The following SPAG16 variants were observed in gnomAD, a reference collection of about 807,000 sequenced individuals.
SPAG16 encodes the protein sperm associated antigen 16, also known as sperm-associated antigen 16 protein.
In SPAG16, 86 loss-of-function variants were observed where a neutral mutation model predicts 80.4. The ratio of observed to expected loss-of-function variants is 1.07; its 90% CI spans 0.90 to 1.28. The LOEUF (loss-of-function observed/expected upper bound fraction) is 1.28, where lower values mean the gene tolerates loss of function less well. SPAG16 is among the 50% of genes most tolerant of loss of function. The pLI, the probability that SPAG16 is intolerant of heterozygous loss-of-function variation, is 0.00. For synonymous variants in SPAG16, 294 were observed against 265.9 expected, an observed-to-expected ratio of 1.11 and a Z score of -1.03; for missense variants, 870 against 765.3, an observed-to-expected ratio of 1.14 and a Z score of -1.61.
At chr2:213,685,578 A>C (rs1332393652) in intron 10 of SPAG16, among the ~76,000 whole-genome samples, 1 of 152,178 alleles carries the variant, frequency 6.6e-6, no homozygotes, top group Non-Finnish European at 1.5e-5. Context: ...CTAGGAATGT[A>C]ATACAGGGAC....
chr2:214,326,240 AGAG>A (rs1696471578), intron 15 of SPAG16, among the ~76,000 whole-genome samples: 1 of 152,198 alleles, frequency 6.6e-6, no homozygotes, highest in Non-Finnish European at 1.5e-5. Flanking sequence ...ACAGAACAGA[AGAG>A]GAGGCAATGT....
At chr2:213,930,944 A>C (rs1241598972) in intron 12 of SPAG16, among the ~76,000 whole-genome samples, 1 of 152,184 alleles carries the variant, frequency 6.6e-6, no homozygotes, top group Non-Finnish European at 1.5e-5. Flanking sequence ...ACAGCAGAGA[A>C]GTGCCCTCTC....
At chr2:214,164,671 A>G (rs1395938656) in intron 15 of SPAG16, among the ~76,000 whole-genome samples, 1 of 152,146 alleles carries the variant, frequency 6.6e-6, no homozygotes, top group Non-Finnish European at 1.5e-5. Context: ...GTATAGGTAA[A>G]TTAAAATCTT....
At chr2:214,178,011 A>ATATATATT (rs1310982087) in intron 15 of SPAG16, among the ~76,000 whole-genome samples, 2 of 45,854 alleles carry the variant, frequency 4.4e-5, no homozygotes, top group African/African-American at 8.7e-5. Flanking sequence ...ATATATATAT[A>ATATATATT]TTCATACTTT....
At chr2:213,808,575 G>A (rs1432493213) in intron 10 of SPAG16, among the ~76,000 whole-genome samples, 1 of 152,106 alleles carries the variant, frequency 6.6e-6, no homozygotes, top group African/African-American at 2.4e-5. Flanking sequence ...CTAAGGCTAG[G>A]AGGATATCTC....
At chr2:213,742,075 T>A (rs1284634146) in intron 10 of SPAG16, among the ~76,000 whole-genome samples, 2 of 152,158 alleles carry the variant, frequency 1.3e-5, no homozygotes, top group East Asian at 1.9e-4. Flanking sequence ...GTTGATGTAA[T>A]ACCAATGTGT....
At chr2:214,247,104 A>G (rs1293463295) in intron 15 of SPAG16, among the ~76,000 whole-genome samples, 1 of 152,266 alleles carries the variant, frequency 6.6e-6, no homozygotes, top group African/African-American at 2.4e-5. Context: ...TTTGAGGGCT[A>G]CAGGCTGGGT....
chr2:213,446,630 T>A (rs1488829568), intron 9 of SPAG16, among the ~76,000 whole-genome samples: 1 of 152,224 alleles, frequency 6.6e-6, no homozygotes, highest in Non-Finnish European at 1.5e-5. Context: ...CAAACTGATT[T>A]ACCTACTACA....
chr2:214,330,962 T>C (rs538885803), intron 15 of SPAG16, among the ~76,000 whole-genome samples: 1 of 152,288 alleles, frequency 6.6e-6, no homozygotes, highest in South Asian at 2.1e-4. Flanking sequence ...CTGAAGAAAC[T>C]TACAGGAGAA....
chr2:213,698,939 C>T (rs79671142), intron 10 of SPAG16, among the ~76,000 whole-genome samples: 3 of 152,126 alleles, frequency 2.0e-5, no homozygotes, highest in Non-Finnish European at 4.4e-5. Context: ...TCAAGTACAA[C>T]GCATAGTACC....
intron 1 of SPAG16, 148 bp downstream of exon 1, chr2:213,284,767 C>T (rs745889045): frequency 4.4e-6 from 5 of 1,141,630 alleles, no homozygotes; most frequent in Middle Eastern, 4.0e-4. Context: ...GTTTTTGCCA[C>T]CACAGTCTTC....
intron 5 of SPAG16, among the ~76,000 whole-genome samples, chr2:213,321,743 A>G (rs1468373197): frequency 2.0e-5 from 3 of 152,180 alleles, no homozygotes; most frequent in Non-Finnish European, 4.4e-5. Flanking sequence ...GTCTTCCAAA[A>G]TATAAAGTTG....
chr2:214,278,694 T>C (rs960698944), intron 15 of SPAG16, among the ~76,000 whole-genome samples: 1 of 152,238 alleles, frequency 6.6e-6, no homozygotes, highest in Admixed American at 6.5e-5. Flanking sequence ...AGCCTTCATC[T>C]TTCAATTATT....
intron 13 of SPAG16, among the ~76,000 whole-genome samples, chr2:214,107,792 A>G (rs1346059209): frequency 6.6e-6 from 1 of 152,154 alleles, no homozygotes; most frequent in African/African-American, 2.4e-5. Context: ...TTAAAAAGAA[A>G]AAGAGAGACC....
rs182072638 is a variant in SPAG16, at chr2:213,712,757, A to G, written c.1071-149728A>G. Among the ~76,000 whole-genome samples, 285 of 152,264 alleles carry G rather than the reference A, an allele frequency of 1.9e-3. 2 individuals carry two copies. The highest frequency in any genetic ancestry group is 6.6e-3 in the African/African-American group (273 of 41,532). ...TCCTCAGAAATTGGAAAAGTATCAA[A>G]GCTAGATTATGGTTTACTAAAATAA... On this transcript the variant is annotated intron_variant, in intron 10 of 15. Transcript: ENST00000331683.
At chr2:213,683,016 A>G (rs2064474166) in intron 10 of SPAG16, among the ~76,000 whole-genome samples, 1 of 152,176 alleles carries the variant, frequency 6.6e-6, no homozygotes, top group Non-Finnish European at 1.5e-5. Context: ...TGGCATCTCA[A>G]CATCTCACAG....
intron 10 of SPAG16, among the ~76,000 whole-genome samples, chr2:213,839,543 T>C (rs1258374112): frequency 2.6e-5 from 4 of 152,184 alleles, no homozygotes; most frequent in Non-Finnish European, 5.9e-5. Flanking sequence ...CTAATCAAGT[T>C]GCAAACTTTG....
At chr2:213,551,737 T>TGTG (rs2076786010) in intron 10 of SPAG16, among the ~76,000 whole-genome samples, 1 of 152,196 alleles carries the variant, frequency 6.6e-6, no homozygotes, top group Non-Finnish European at 1.5e-5. Flanking sequence ...CTTTCTTTTC[T>TGTG]GTGGTTGTAA....
At chr2:213,853,161 C>T (rs1278578171) in intron 10 of SPAG16, among the ~76,000 whole-genome samples, 1 of 152,192 alleles carries the variant, frequency 6.6e-6, no homozygotes, top group Non-Finnish European at 1.5e-5. Flanking sequence ...GTGAAGGAAA[C>T]ATTTACAATG....
Sources: gnomAD v4.1 joint callset for allele counts (sites outside exome capture counted in the v4.1 genomes callset) on GRCh38, gnomAD v4.1.1 for gene constraint, MANE v1.5 for transcripts, NCBI Gene and HGNC (gene_info 2026-07-23, HGNC 2026-07-21) for gene names.